Variants in HFM1 observed in about 807,000 individuals in gnomAD.
The protein encoded by HFM1 is helicase for meiosis 1.
Under a neutral mutation model 192.1 loss-of-function variants are expected in HFM1, and 169 were observed. The ratio of observed to expected loss-of-function variants is 0.88; its 90% CI spans 0.78 to 1.00. HFM1 has a LOEUF of 1.00. Ranked by LOEUF, HFM1 falls within the 50% of genes least tolerant of loss-of-function variation. HFM1 has a pLI of 0.00. For synonymous variants in HFM1, 525 were observed against 537.8 expected (o/e 0.98, Z 0.33); for missense variants, 1,661 against 1,668.0 (o/e 1.00, Z 0.07).
intron 2 of HFM1, among the ~76,000 whole-genome samples, chr1:91,397,290 C>A (rs1035862011): frequency 6.6e-6 from 1 of 152,162 alleles, no homozygotes; most frequent in African/African-American, 2.4e-5. Flanking sequence ...ATTTTTGCCA[C>A]CCTGTTGGCA....
intron 19 of HFM1, among the ~76,000 whole-genome samples, chr1:91,346,258 G>A (rs1004195752): frequency 6.6e-6 from 1 of 152,100 alleles, no homozygotes; most frequent in African/African-American, 2.4e-5. Flanking sequence ...AATTTAACAA[G>A]AGATAAAACA....
At chr1:91,363,621 T>C (rs1658833679) in intron 13 of HFM1, among the ~76,000 whole-genome samples, 1 of 151,870 alleles carries the variant, frequency 6.6e-6, no homozygotes, top group Non-Finnish European at 1.5e-5. Context: ...GTGGAAGACG[T>C]TGTGGCAATT....
intron 17 of HFM1, among the ~76,000 whole-genome samples, chr1:91,351,338 G>C (rs1656910545): frequency 6.6e-6 from 1 of 151,632 alleles, no homozygotes; most frequent in African/African-American, 2.4e-5. Flanking sequence ...ATACATGCTT[G>C]CCAAGAAATA....
chr1:91,306,187 G>T (rs1379578143), intron 30 of HFM1, among the ~76,000 whole-genome samples: 2 of 152,012 alleles, frequency 1.3e-5, no homozygotes, highest in Non-Finnish European at 2.9e-5. Flanking sequence ...TACAAAATTA[G>T]CTGGGCGTGG....
At chr1:91,385,545 A>G in intron 5 of HFM1, 30 bp downstream of exon 5, 1 of 1,581,980 alleles carries the variant, frequency 6.3e-7, no homozygotes, top group Non-Finnish European at 8.6e-7. Flanking sequence ...GTCTGTACTC[A>G]TAAAATGAAC....
At chr1:91,267,938 T>C in intron 34 of HFM1, 83 bp from the exon 35 acceptor site, 1 of 728,702 alleles carries the variant, frequency 1.4e-6, no homozygotes, top group East Asian at 2.8e-5. Flanking sequence ...AGAACACTGT[T>C]TGAGAGACTT....
chr1:91,286,444 A>T lies in HFM1; in HGVS notation c.3392-9382T>A, dbSNP rs1667982641. ...ACATTTCTTGGCTTGTGGGAGCATA[A>T]CTATAATCTCTGCCTCTGTCTTTGC... On this transcript the variant is annotated intron_variant, in intron 30 of 38. Transcript: ENST00000370425. Among the ~76,000 whole-genome samples, 5 of 152,050 alleles carry T rather than the reference A, an allele frequency of 3.3e-5. No homozygotes were observed. The South Asian group carries it at 8.3e-4, about 25-fold the overall frequency.
At chr1:91,371,323 A>T (rs1180645201) in intron 13 of HFM1, among the ~76,000 whole-genome samples, 1 of 121,968 alleles carries the variant, frequency 8.2e-6, no homozygotes. Flanking sequence ...GAGGCATCAC[A>T]CTACCTGACT....
At chr1:91,309,691 T>C (rs891468439) in intron 30 of HFM1, among the ~76,000 whole-genome samples, 3 of 152,224 alleles carry the variant, frequency 2.0e-5, no homozygotes, top group Non-Finnish European at 4.4e-5. Flanking sequence ...TACTCTATTA[T>C]TTTTGAGCCA....
intron 20 of HFM1, among the ~76,000 whole-genome samples, chr1:91,337,222 G>C (rs576992202): frequency 5.3e-5 from 8 of 152,248 alleles, no homozygotes; most frequent in African/African-American, 1.4e-4. Flanking sequence ...TCATATACCA[G>C]AACAGTTGAA....
intron 13 of HFM1, among the ~76,000 whole-genome samples, chr1:91,355,144 A>G (rs541262223): frequency 6.6e-6 from 1 of 152,274 alleles, no homozygotes; most frequent in East Asian, 1.9e-4. Context: ...TTCAGTTTAA[A>G]ATAGTCTATT....
At chr1:91,361,312 T>C (rs1035210080) in intron 13 of HFM1, among the ~76,000 whole-genome samples, 2 of 150,900 alleles carry the variant, frequency 1.3e-5, no homozygotes, top group Non-Finnish European at 3.0e-5. Flanking sequence ...CTAGCTAGAC[T>C]AATAAAGAAG....
chr1:91,378,568 G>A lies in HFM1; in HGVS notation c.1159-88C>T, dbSNP rs542253043. ...ATATCAAAAACATTTTTAACATGAC[G>A]TATTACAAATAATAGGCAATTTTGG... On this transcript the variant is annotated intron_variant, in intron 9 of 38. Coordinates refer to ENST00000370425, the MANE Select transcript of HFM1 (RefSeq NM_001017975.6). 8.2e-4 allele frequency: 630 copies of A among 765,536 alleles called. 1 individual carries two copies. The highest frequency in any genetic ancestry group is 3.6e-3 in the Middle Eastern group (10 of 2,802). The allele number at this position is 765,536 out of a possible 1,614,324, so 47.4% of individuals were successfully genotyped here. A position where few individuals can be genotyped will look rare whatever the true frequency, so the allele number is the denominator to read the frequency against.
intron 20 of HFM1, among the ~76,000 whole-genome samples, chr1:91,335,573 T>C (rs1216448940): frequency 6.6e-6 from 1 of 152,180 alleles, no homozygotes; most frequent in African/African-American, 2.4e-5. Flanking sequence ...AGAAACAACT[T>C]GCTATTAATA....
At chr1:91,394,473 A>T (rs1191088478) in intron 3 of HFM1, 71 bp from the exon 4 acceptor site, 1 of 933,576 alleles carries the variant, frequency 1.1e-6, no homozygotes, top group African/African-American at 1.7e-5. Context: ...ATGATGAAAA[A>T]CTTTAATAAA....
upstream of HFM1, among the ~76,000 whole-genome samples, chr1:91,407,482 G>A (rs963951286): frequency 3.3e-5 from 5 of 151,968 alleles, no homozygotes; most frequent in Non-Finnish European, 7.4e-5. Context: ...CTTCATATAA[G>A]TGGGATCATA....
Position 91,302,899 on chromosome 1 carries a change from G to A in HFM1, c.3391+10450C>T, listed in dbSNP as rs142341331. 4.8e-3 allele frequency among the ~76,000 whole-genome samples: 726 copies of A among 151,914 alleles called. 9 individuals carry two copies. The highest frequency in any genetic ancestry group is 0.016 in the African/African-American group (663 of 41,418). Reference sequence around the variant, plus strand: ...GTATACATATGTAACAAACCCGCACGTTGTGCACATGTACCCTAAAAGTAT... The same window carrying A: ...GTATACATATGTAACAAACCCGCACATTGTGCACATGTACCCTAAAAGTAT... On this transcript the variant is annotated intron_variant, in intron 30 of 38. Transcript: ENST00000370425.
At chr1:91,290,615 C>T (rs542048734) in intron 30 of HFM1, among the ~76,000 whole-genome samples, 1 of 152,130 alleles carries the variant, frequency 6.6e-6, no homozygotes, top group Non-Finnish European at 1.5e-5. Context: ...GACTTTAACA[C>T]CCCACTGTCA....
At position 91,274,756 on chromosome 1, in the gene HFM1, TG is replaced by T; in HGVS notation, c.3641del (p.Pro1214GlnfsTer14). The T allele has an allele frequency of 6.4e-7, 1 of 1,561,934 alleles. No homozygotes were observed. Among genetic ancestry groups the T allele is most frequent in the Non-Finnish European group, 8.8e-7 (1 of 1,134,542 alleles). ...SVDLKEFGFT[P>X]KPSLPSISRS... ...TTGATATACTAGGAAGGGAAGGTTT[TG>T]GAGTAAAACCAAACTCTTTAAGGTC... On this transcript the variant is annotated frameshift_variant, in exon 33 of 39. Transcript: ENST00000370425. LOFTEE classifies it high-confidence loss of function.
Sources: gnomAD v4.1 joint callset for allele counts (sites outside exome capture counted in the v4.1 genomes callset) on GRCh38, gnomAD v4.1.1 for gene constraint, MANE v1.5 for transcripts, NCBI Gene and HGNC (gene_info 2026-07-23, HGNC 2026-07-21) for gene names.